Variants in C1QTNF3 observed in about 807,000 individuals in gnomAD.
The protein encoded by C1QTNF3 is C1q and TNF related 3.
In C1QTNF3, 26 loss-of-function variants were observed where a neutral mutation model predicts 32.6. The ratio of observed to expected loss-of-function variants is 0.80; its 90% confidence interval spans 0.58 to 1.11. The LOEUF is 1.11. Ranked by LOEUF, C1QTNF3 falls within the 50% of genes least tolerant of loss-of-function variation. The probability of loss-of-function intolerance (pLI) is 0.00; values close to 1 mark genes in which losing one functional copy is unlikely to be tolerated. For missense variants in C1QTNF3, 362 were observed against 398.2 expected, an observed-to-expected ratio of 0.91 and a Z score of 0.77; for synonymous variants, 155 against 146.0, an observed-to-expected ratio of 1.06 and a Z score of -0.44.
intron 4 of C1QTNF3, among the ~76,000 whole-genome samples, chr5:34,026,896 T>C (rs1054040037): frequency 6.6e-6 from 1 of 152,096 alleles, no homozygotes; most frequent in African/African-American, 2.4e-5. Flanking sequence ...AATACCTCTA[T>C]AAAAGAACAT....
chr5:34,088,551 TAA>T, the C1QTNF3 span, among the ~76,000 whole-genome samples: 1 of 152,228 alleles, frequency 6.6e-6, no homozygotes, highest in Non-Finnish European at 1.5e-5. Flanking sequence ...TCAACATATA[TAA>T]TTGGACCAAT....
the C1QTNF3 span, among the ~76,000 whole-genome samples, chr5:34,066,006 A>G: frequency 3.3e-5 from 5 of 152,230 alleles, no homozygotes; most frequent in Admixed American, 3.3e-4. Flanking sequence ...GCCATAAAAA[A>G]AGAATGAAAT....
chr5:34,141,815 C>T, the C1QTNF3 span, among the ~76,000 whole-genome samples: 1 of 152,130 alleles, frequency 6.6e-6, no homozygotes, highest in Middle Eastern at 3.4e-3. Context: ...TGCTTTCTTG[C>T]ATTTGAGTAC....
At chr5:34,171,001 A>T in the C1QTNF3 span, among the ~76,000 whole-genome samples, 1 of 152,152 alleles carries the variant, frequency 6.6e-6, no homozygotes, top group Non-Finnish European at 1.5e-5. Context: ...TATGATGGTT[A>T]AAATGCCAGC....
the C1QTNF3 span, among the ~76,000 whole-genome samples, chr5:34,241,955 A>AC: frequency 1.5e-3 from 42 of 28,162 alleles, no homozygotes; most frequent in East Asian, 0.02. Flanking sequence ...GAGGGAGGGA[A>AC]GGAAGGAAGG....
At chr5:34,182,127 C>A in the C1QTNF3 span, among the ~76,000 whole-genome samples, 1 of 152,292 alleles carries the variant, frequency 6.6e-6, no homozygotes, top group Admixed American at 6.5e-5. Context: ...TCAAGCAATT[C>A]CCCTGCCTCA....
the C1QTNF3 span, chr5:34,158,517 G>A: frequency 6.6e-6 from 1 of 152,120 alleles, no homozygotes; most frequent in East Asian, 1.9e-4. Flanking sequence ...CTATATTTCA[G>A]AAAAATTAAG....
chr5:34,129,028 G>A, the C1QTNF3 span, among the ~76,000 whole-genome samples: 69 of 152,184 alleles, frequency 4.5e-4, no homozygotes, highest in African/African-American at 1.7e-3. Context: ...GGGCCTGGTG[G>A]GAGGTAATTG....
chr5:34,032,376 T>C (rs1475685295), intron 3 of C1QTNF3, among the ~76,000 whole-genome samples: 1 of 152,226 alleles, frequency 6.6e-6, no homozygotes, highest in African/African-American at 2.4e-5. Context: ...TTTAACCTCA[T>C]AAATTGATTT....
chr5:34,178,262 C>A, the C1QTNF3 span, among the ~76,000 whole-genome samples: 8 of 152,168 alleles, frequency 5.3e-5, no homozygotes, highest in Non-Finnish European at 1.0e-4. Context: ...GCCTGGGTGA[C>A]AACTGAAACT....
chr5:34,130,025 T>A, the C1QTNF3 span, among the ~76,000 whole-genome samples: 2 of 152,118 alleles, frequency 1.3e-5, no homozygotes, highest in Admixed American at 1.3e-4. Flanking sequence ...TGGAAATTTT[T>A]ATTTTCCTCC....
the C1QTNF3 span, among the ~76,000 whole-genome samples, chr5:34,102,896 G>A: frequency 5.9e-5 from 9 of 151,506 alleles, no homozygotes; most frequent in African/African-American, 2.2e-4. Flanking sequence ...ACGGGTTAAT[G>A]GGTGCAGCAC....
At chr5:34,135,121 A>G in the C1QTNF3 span, among the ~76,000 whole-genome samples, 1 of 152,180 alleles carries the variant, frequency 6.6e-6, no homozygotes, top group East Asian at 1.9e-4. Flanking sequence ...GAACGTTTTC[A>G]GCATGAAGGG....
At chr5:34,197,370 C>T in the C1QTNF3 span, among the ~76,000 whole-genome samples, 1 of 152,258 alleles carries the variant, frequency 6.6e-6, no homozygotes, top group South Asian at 2.1e-4. Flanking sequence ...GTAATATTAA[C>T]AGTATGCTGT....
the C1QTNF3 span, among the ~76,000 whole-genome samples, chr5:34,143,221 C>CA: frequency 6.6e-6 from 1 of 151,778 alleles, no homozygotes; most frequent in Non-Finnish European, 1.5e-5. Context: ...CTTAATTAGA[C>CA]AAAAAATAAA....
the C1QTNF3 span, among the ~76,000 whole-genome samples, chr5:34,133,589 G>C: frequency 6.6e-6 from 1 of 152,208 alleles, no homozygotes; most frequent in East Asian, 1.9e-4. Context: ...GAATGTGTCT[G>C]AGAGATTTAG....
intron 1 of C1QTNF3, among the ~76,000 whole-genome samples, chr5:34,040,852 T>C (rs1014990769): frequency 6.6e-6 from 1 of 152,102 alleles, no homozygotes; most frequent in African/African-American, 2.4e-5. Context: ...AGTCATTCTT[T>C]TAATACCATC....
the C1QTNF3 span, among the ~76,000 whole-genome samples, chr5:34,141,781 C>T: frequency 6.6e-6 from 1 of 152,066 alleles, no homozygotes; most frequent in African/African-American, 2.4e-5. Flanking sequence ...GCAGTTATAA[C>T]ACCAAAAGCT....
chr5:34,178,035 G>C, the C1QTNF3 span, among the ~76,000 whole-genome samples: 4 of 148,134 alleles, frequency 2.7e-5, no homozygotes, highest in Non-Finnish European at 4.4e-5. Flanking sequence ...GGGAGGCCAA[G>C]GCAGGTGGAT....
Sources: allele counts gnomAD v4.1 joint callset (sites outside exome capture counted in the v4.1 genomes callset), GRCh38; gene constraint gnomAD v4.1.1; transcripts MANE v1.5; gene names NCBI Gene and HGNC (gene_info 2026-07-23, HGNC 2026-07-21).